The following NRAP variants were observed in gnomAD, a reference collection of about 807,000 sequenced individuals.
The protein encoded by NRAP is nebulin related anchoring protein.
Under a neutral mutation model 225.9 loss-of-function variants are expected in NRAP, and 189 were observed. That is an observed-to-expected ratio of 0.84 (90% CI 0.74 to 0.94). The LOEUF is 0.94. Ranked by LOEUF, NRAP falls within the 40% of genes least tolerant of loss-of-function variation. The pLI is 0.00. For synonymous variants in NRAP, 769 were observed against 790.7 expected, an observed-to-expected ratio of 0.97 and a Z score of 0.46; for missense variants, 2,176 against 2,168.7, an observed-to-expected ratio of 1.00 and a Z score of -0.07.
Position 113,651,913 on chromosome 10 carries a change from G to A in NRAP, c.571-6C>T, listed in dbSNP as rs1170189028. ...TGCCCTCTCTTATACTCCACCTGAT[G>A]AGAAGACAGTAGAGTCAAGGGTGCA... On this transcript the variant is annotated splice_polypyrimidine_tract_variant and splice_region_variant and intron_variant, in intron 6 of 41. Coordinates refer to ENST00000359988, the MANE Select transcript of NRAP (RefSeq NM_198060.4). 9 of 1,587,534 alleles carry A rather than the reference G, an allele frequency of 5.7e-6. No homozygotes were observed. The highest frequency in any genetic ancestry group is 6.9e-6 in the Non-Finnish European group (8 of 1,155,928).
intron 30 of NRAP, among the ~76,000 whole-genome samples, chr10:113,611,497 A>G (rs575108690): frequency 1.3e-5 from 2 of 152,190 alleles, no homozygotes; most frequent in East Asian, 3.9e-4. Context: ...TGGGAAGAAC[A>G]CTCTGGCTCT....
At chr10:113,639,371 G>C (rs547976595) in intron 14 of NRAP, among the ~76,000 whole-genome samples, 7 of 152,008 alleles carry the variant, frequency 4.6e-5, no homozygotes, top group Admixed American at 1.3e-4. Flanking sequence ...CTCTGAGCAA[G>C]AGAGAGAGAG....
At chr10:113,616,802 G>T (rs1324786681) in intron 26 of NRAP, among the ~76,000 whole-genome samples, 1 of 152,138 alleles carries the variant, frequency 6.6e-6, no homozygotes, top group Non-Finnish European at 1.5e-5. Flanking sequence ...AGATCCATGG[G>T]TATCTCTTAG....
intron 4 of NRAP, among the ~76,000 whole-genome samples, chr10:113,656,748 T>C (rs1592877529): frequency 6.6e-6 from 1 of 152,276 alleles, no homozygotes; most frequent in South Asian, 2.1e-4. Context: ...CATGTCCAAA[T>C]GTAAATTCTA....
At chr10:113,598,644 C>A (rs1846425547) in intron 35 of NRAP, among the ~76,000 whole-genome samples, 1 of 152,042 alleles carries the variant, frequency 6.6e-6, no homozygotes, top group Non-Finnish European at 1.5e-5. Context: ...ATTTTTTGTT[C>A]TTGTGATAGT....
intron 9 of NRAP, 131 bp from the exon 10 acceptor site, chr10:113,647,158 T>C (rs552908756): frequency 1.9e-5 from 13 of 673,564 alleles, no homozygotes; most frequent in South Asian, 1.9e-4. Flanking sequence ...GATGTCCATG[T>C]GGTAGTTTAA....
intron 22 of NRAP, among the ~76,000 whole-genome samples, chr10:113,624,047 C>A (rs1012665965): frequency 1.3e-5 from 2 of 152,204 alleles, no homozygotes; most frequent in African/African-American, 2.4e-5. Context: ...TTCCCCCAGC[C>A]TCTCTAGTCC....
At chr10:113,621,618 T>C (rs1044793837) in intron 24 of NRAP, among the ~76,000 whole-genome samples, 5 of 152,306 alleles carry the variant, frequency 3.3e-5, no homozygotes, top group East Asian at 1.9e-4. Context: ...GGAAAACATA[T>C]GTAGTCCAGA....
At chr10:113,610,585 A>G in intron 30 of NRAP, 22 bp from the exon 31 acceptor site, 2 of 1,441,474 alleles carry the variant, frequency 1.4e-6, no homozygotes, top group South Asian at 2.3e-5. Flanking sequence ...AATAAATACA[A>G]AGAATCAGAA....
chr10:113,589,903 G>T, intron 40 of NRAP, 106 bp from the exon 41 acceptor site: 1 of 1,285,832 alleles, frequency 7.8e-7, no homozygotes, highest in Non-Finnish European at 1.1e-6. Context: ...AGACTATGTT[G>T]TCTGTCATCA....
rs181015959 is a variant in NRAP at position 113,630,728 on chromosome 10, C to T, written c.1842+781G>A. On this transcript the variant is annotated intron_variant, in intron 18 of 41. Transcript: ENST00000359988. Reference sequence around the variant, plus strand: ...ATGCCTTATGACTATGCACTTCATTCGGCTTGTTCTGTAGACACATCCAAA... The same window carrying T: ...ATGCCTTATGACTATGCACTTCATTTGGCTTGTTCTGTAGACACATCCAAA... Among the ~76,000 whole-genome samples, 12 of 152,314 alleles carry T rather than the reference C, an allele frequency of 7.9e-5. No individual in the cohort carries two copies. The East Asian group carries it at 9.6e-4, about 12-fold the overall frequency.
At chr10:113,590,214 A>G (rs1414886079) in intron 40 of NRAP, among the ~76,000 whole-genome samples, 1 of 152,172 alleles carries the variant, frequency 6.6e-6, no homozygotes, top group East Asian at 1.9e-4. Context: ...TTGGGCCCTC[A>G]CAGCAAACCA....
chr10:113,634,646 G>C (rs566502020), intron 14 of NRAP, among the ~76,000 whole-genome samples: 2 of 152,132 alleles, frequency 1.3e-5, no homozygotes, highest in African/African-American at 2.4e-5. Flanking sequence ...AAAACAGTAC[G>C]GCATTTGGGC....
At chr10:113,647,869 T>G (rs1436112628) in intron 9 of NRAP, among the ~76,000 whole-genome samples, 1 of 152,236 alleles carries the variant, frequency 6.6e-6, no homozygotes, top group East Asian at 1.9e-4. Context: ...TAATCCTTTC[T>G]TTTATCTTCC....
Position 113,620,724 on chromosome 10 carries a change from G to GAAA in NRAP, c.2770-19_2770-17dup. ...TGTATTGGTTCTGACAAAGGAGAAA[G>GAAA]AAAAAAAAAAAAAGCAGGCCATTGT... On this transcript the variant is annotated splice_polypyrimidine_tract_variant and intron_variant, in intron 24 of 41. Transcript: ENST00000359988. 1.5e-5 allele frequency: 18 copies of GAAA among 1,214,604 alleles called. No individual in the cohort carries two copies. The highest frequency in any genetic ancestry group is 1.7e-5 in the African/African-American group (1 of 59,650). The allele number at this position is 1,214,604 out of a possible 1,614,324, so 75.2% of individuals were successfully genotyped here.
chr10:113,654,104 C>G lies in NRAP; in HGVS notation c.382G>C (p.Gly128Arg). The G allele has an allele frequency of 6.2e-7, 1 of 1,612,680 alleles. No homozygotes were observed. The highest frequency in any genetic ancestry group is 8.5e-7 in the Non-Finnish European group (1 of 1,178,762). The change falls in exon 5 of 42, where the codon GGG becomes CGG. Residue 128 changes from glycine (G) to arginine (R), a missense_variant. Gly to Arg is a moderately radical substitution (Grantham distance 125, BLOSUM62 -2). Transcript: ENST00000359988. ...CCTGGGCACCAAGCATTCCCTTCCC[C>G]ATATCCAGTCCAATAGGCTCTCTAC... ...ANERAYWTGY[G>R]EGNAWCPGAL...
intron 11 of NRAP, among the ~76,000 whole-genome samples, chr10:113,643,805 T>C (rs1849343833): frequency 6.6e-6 from 1 of 152,176 alleles, no homozygotes; most frequent in Non-Finnish European, 1.5e-5. Flanking sequence ...CCAAAGGAAA[T>C]ACCCCACAGT....
intron 18 of NRAP, among the ~76,000 whole-genome samples, chr10:113,630,782 G>A (rs950707212): frequency 1.3e-5 from 2 of 152,150 alleles, no homozygotes; most frequent in Non-Finnish European, 2.9e-5. Flanking sequence ...ACCCTCTTTT[G>A]TATTCAAGCT....
Position 113,629,618 on chromosome 10 carries a change from C to T in NRAP, c.2010G>A (p.Trp670Ter), listed in dbSNP as rs1223383786. Residue 670 changes from tryptophan (W) to a stop codon, truncating the protein, a stop_gained, in exon 19 of 42, where the codon TGG (tryptophan) becomes TGA (stop). Transcript: ENST00000359988. LOFTEE classifies it high-confidence loss of function. ...TVLPEDMKTQ[W>*]AKKAYGLQSE... is the part of the protein sequence containing the mutation. ...TCTGGAGCCCATAGGCCTTCTTGGC[C>T]CACTGAGTCTTCATATCTTCAGGCA... 1 of 1,613,646 alleles carries T rather than the reference C, an allele frequency of 6.2e-7. No homozygotes were observed. Among genetic ancestry groups the T allele is most frequent in the Non-Finnish European group, 8.5e-7 (1 of 1,179,720 alleles).
Sources: gnomAD v4.1 joint callset for allele counts (sites outside exome capture counted in the v4.1 genomes callset) on GRCh38, gnomAD v4.1.1 for gene constraint, MANE v1.5 for transcripts, NCBI Gene and HGNC (gene_info 2026-07-23, HGNC 2026-07-21) for gene names.